CD80: variants seen among roughly 807,000 people sequenced by gnomAD.
CD80 encodes the protein CD80 molecule, also known as T-lymphocyte activation antigen CD80.
In CD80, 13 loss-of-function variants were observed where a neutral mutation model predicts 27.1. The observed-to-expected ratio is 0.48, with a 90% confidence interval of 0.31 to 0.76. The LOEUF (loss-of-function observed/expected upper bound fraction) is 0.76. Among genes scored for constraint, CD80 ranks in the 30% least tolerant of loss-of-function variants. CD80 has a pLI of 0.04. For synonymous variants in CD80, 125 were observed against 125.5 expected (o/e 1.00, Z 0.03); for missense variants, 277 against 347.9 (o/e 0.80, Z 1.62).
In CD80 at chr3:119,529,797, G is replaced by T. The variant is rs752481831; in HGVS notation, c.796+45C>A. On this transcript the variant is annotated intron_variant, in intron 5 of 6. Coordinates refer to ENST00000264246, the MANE Select transcript of CD80 (RefSeq NM_005191.4). ...ATGCCGAACCATGGTAATAAAGTTTGATCTTCCAGAATTGAGATCAGGATG... is the reference window on the plus strand; with the variant it reads ...ATGCCGAACCATGGTAATAAAGTTTTATCTTCCAGAATTGAGATCAGGATG... The T allele has an allele frequency of 4.6e-6, 6 of 1,312,100 alleles. No homozygotes were observed. In the South Asian group the frequency reaches 7.1e-5, roughly 16 times the overall value. The allele number at this position is 1,312,100 out of a possible 1,614,324, so 81.3% of individuals were successfully genotyped here.
intron 2 of CD80, among the ~76,000 whole-genome samples, chr3:119,551,343 C>T (rs750324790): frequency 2.6e-5 from 4 of 152,092 alleles, no homozygotes; most frequent in Non-Finnish European, 5.9e-5. Flanking sequence ...AATTTAATTC[C>T]GGGTGCAACA....
chr3:119,539,354 C>G (rs2082155394), intron 3 of CD80, among the ~76,000 whole-genome samples: 2 of 151,244 alleles, frequency 1.3e-5, no homozygotes, highest in Non-Finnish European at 2.9e-5. Flanking sequence ...AGCTTTCAAA[C>G]AGGAGATGCC....
intron 3 of CD80, among the ~76,000 whole-genome samples, chr3:119,538,327 G>C (rs2082150368): frequency 6.6e-6 from 1 of 151,584 alleles, no homozygotes; most frequent in Non-Finnish European, 1.5e-5. Flanking sequence ...TTTTCTTCCT[G>C]ATGCTTGAAG....
chr3:119,529,627 G>A (rs2082098459), intron 5 of CD80, among the ~76,000 whole-genome samples: 1 of 152,198 alleles, frequency 6.6e-6, no homozygotes, highest in Non-Finnish European at 1.5e-5. Context: ...TAATTCCAGT[G>A]CCTAGTAGAG....
chr3:119,548,249 T>TG, intron 2 of CD80, among the ~76,000 whole-genome samples: 1 of 152,300 alleles, frequency 6.6e-6, no homozygotes, highest in South Asian at 2.1e-4. Flanking sequence ...CCCAAAATGC[T>TG]GGGATTACAA....
chr3:119,535,177 G>A (rs2107741342), intron 4 of CD80, among the ~76,000 whole-genome samples: 1 of 149,088 alleles, frequency 6.7e-6, no homozygotes, highest in Non-Finnish European at 1.5e-5. Context: ...GGGTGACAGA[G>A]CGAGACTCCG....
intron 4 of CD80, among the ~76,000 whole-genome samples, chr3:119,533,154 G>A (rs1328630039): frequency 6.6e-6 from 1 of 152,188 alleles, no homozygotes; most frequent in Non-Finnish European, 1.5e-5. Flanking sequence ...TGTGTGTGAG[G>A]GAAAGAGGGA....
intron 4 of CD80, among the ~76,000 whole-genome samples, chr3:119,533,409 G>GT (rs2082120114): frequency 3.4e-5 from 1 of 29,186 alleles, no homozygotes; most frequent in Non-Finnish European, 6.9e-5. Context: ...ATACATTTGG[G>GT]CTTTTTTTTT....
chr3:119,526,589 T>C (rs537749718), intron 6 of CD80, among the ~76,000 whole-genome samples: 2 of 152,194 alleles, frequency 1.3e-5, no homozygotes, highest in South Asian at 4.2e-4. Context: ...TTATTCTTCA[T>C]CTGTATGACC....
intron 2 of CD80, among the ~76,000 whole-genome samples, chr3:119,553,968 GC>G (rs1357170083): frequency 6.6e-6 from 1 of 152,202 alleles, no homozygotes; most frequent in Non-Finnish European, 1.5e-5. Context: ...TGGGCTAGGT[GC>G]TAGCCACACA....
At chr3:119,552,550 A>AG (rs1209333249) in intron 2 of CD80, among the ~76,000 whole-genome samples, 3 of 149,518 alleles carry the variant, frequency 2.0e-5, no homozygotes, top group African/African-American at 7.5e-5. Context: ...GGACCTCTCA[A>AG]GGGCTCAATC....
In CD80 at chr3:119,544,767, T is replaced by C; in HGVS notation, c.201A>G (p.Gln67=). The change falls in exon 3 of 7, where the codon CAA becomes CAG. Residue 67 remains glutamine, a synonymous_variant. Transcript: ENST00000264246. ...EELAQTRIYW[Q]KEKKMVLTMM... is the part of the protein sequence containing the mutation. ...TAGTCAGCACCATTTTCTTCTCCTT[T>C]TGCCAGTAGATGCGAGTTTGTGCCA... The C allele has an allele frequency of 6.2e-7, 1 of 1,614,212 alleles. No homozygotes were observed. The highest frequency in any genetic ancestry group is 8.5e-7 in the Non-Finnish European group (1 of 1,180,034).
At chr3:119,536,095 G>A (rs950423257) in intron 4 of CD80, among the ~76,000 whole-genome samples, 10 of 151,616 alleles carry the variant, frequency 6.6e-5, no homozygotes, top group African/African-American at 2.4e-4. Context: ...ACTAAAGATA[G>A]AAAAAATTAG....
chr3:119,536,422 C>A (rs2082138721), intron 4 of CD80, among the ~76,000 whole-genome samples: 1 of 152,106 alleles, frequency 6.6e-6, no homozygotes, highest in Non-Finnish European at 1.5e-5. Flanking sequence ...CTCACTGCAA[C>A]TTTGAACACC....
intron 2 of CD80, among the ~76,000 whole-genome samples, chr3:119,549,043 A>G (rs1407825194): frequency 6.6e-6 from 1 of 151,976 alleles, no homozygotes; most frequent in East Asian, 1.9e-4. Flanking sequence ...TCTCAAAATA[A>G]ATAAATAAAT....
At chr3:119,547,909 A>C (rs567100961) in intron 2 of CD80, among the ~76,000 whole-genome samples, 1 of 152,120 alleles carries the variant, frequency 6.6e-6, no homozygotes, top group Non-Finnish European at 1.5e-5. Context: ...CAGTGACGTT[A>C]TCTTTCAAGA....
chr3:119,544,725 C>A lies in CD80; in HGVS notation c.243G>T (p.Met81Ile), dbSNP rs2082190659. The change falls in exon 3 of 7, where the codon ATG becomes ATT. Residue 81 changes from methionine to isoleucine, a missense_variant. Met to Ile is a conservative substitution (Grantham distance 10, BLOSUM62 1). Coordinates refer to ENST00000264246, the MANE Select transcript of CD80 (RefSeq NM_005191.4). ...KMVLTMMSGD[M>I]NIWPEYKNRT... ...GGTTCTTGTACTCGGGCCATATATTCATGTCCCCAGACATCATAGTCAGCA... is the reference window on the plus strand; with the variant it reads ...GGTTCTTGTACTCGGGCCATATATTAATGTCCCCAGACATCATAGTCAGCA... 1 of 1,614,092 alleles carries A rather than the reference C, an allele frequency of 6.2e-7. No individual in the cohort carries two copies. The highest frequency in any genetic ancestry group is 8.5e-7 in the Non-Finnish European group (1 of 1,180,038).
At position 119,559,078 on chromosome 3, in the gene CD80, A is replaced by C. The variant is rs537131846; in HGVS notation, c.-201+362T>G. 2.0e-5 allele frequency among the ~76,000 whole-genome samples: 3 copies of C among 152,316 alleles called. No homozygotes were observed. The South Asian group carries it at 6.2e-4, about 32-fold the overall frequency. ...TTAAGATAGAATCTTGCTCTGTCAC[A>C]CAGGCTAGAGTGCAGTGGCGTGACC... On this transcript the variant is annotated intron_variant, in intron 1 of 6. Coordinates refer to ENST00000264246, the MANE Select transcript of CD80 (RefSeq NM_005191.4).
At chr3:119,531,720 G>A (rs557913384) in intron 4 of CD80, among the ~76,000 whole-genome samples, 1 of 152,210 alleles carries the variant, frequency 6.6e-6, no homozygotes, top group Non-Finnish European at 1.5e-5. Context: ...CTGGAGTGCA[G>A]TGATGTGATC....
Sources: allele counts gnomAD v4.1 joint callset (sites outside exome capture counted in the v4.1 genomes callset), GRCh38; gene constraint gnomAD v4.1.1; transcripts MANE v1.5; gene names NCBI Gene and HGNC (gene_info 2026-07-23, HGNC 2026-07-21).